The following SEM1 variants were observed in gnomAD, a reference collection of about 807,000 sequenced individuals.
The protein encoded by SEM1 is 26S proteasome complex subunit SEM1.
SEM1 carries 3 observed loss-of-function variants against 12.7 expected under a neutral mutation model. The observed-to-expected ratio is 0.24, with a 90% CI of 0.11 to 0.61. SEM1 has a LOEUF of 0.61. SEM1 is among the 20% of genes least tolerant of loss of function. SEM1 has a pLI of 0.88. For synonymous variants in SEM1, 30 were observed against 27.8 expected (o/e 1.08, Z -0.25); for missense variants, 59 against 81.3 (o/e 0.73, Z 1.06).
At chr7:96,573,903 G>T (rs1342127677) in intron 2 of SEM1, among the ~76,000 whole-genome samples, 3 of 149,726 alleles carry the variant, frequency 2.0e-5, no homozygotes, top group Non-Finnish European at 3.0e-5. Context: ...ATCAAACGTA[G>T]GTTTGGTCTT....
intron 2 of SEM1, among the ~76,000 whole-genome samples, chr7:96,613,356 T>A (rs1807602550): frequency 6.6e-6 from 1 of 152,228 alleles, no homozygotes; most frequent in African/African-American, 2.4e-5. Flanking sequence ...CTTATTACAT[T>A]AAAGAAAACC....
intron 2 of SEM1, among the ~76,000 whole-genome samples, chr7:96,583,742 T>G (rs950808032): frequency 1.6e-4 from 24 of 150,854 alleles, no homozygotes; most frequent in African/African-American, 5.3e-4. Flanking sequence ...TTCTTTGTCT[T>G]TTTTGATCTT....
chr7:96,612,551 C>A (rs1286405025), intron 2 of SEM1, among the ~76,000 whole-genome samples: 1 of 152,172 alleles, frequency 6.6e-6, no homozygotes, highest in Admixed American at 6.5e-5. Context: ...AAACCTTAGA[C>A]CCATCTCCAA....
At chr7:96,688,165 T>C (rs1713424269), downstream of SEM1, 2 of 152,144 alleles carry the variant, frequency 1.3e-5, no homozygotes, top group South Asian at 4.1e-4. Context: ...AAATCTCCCA[T>C]TCACAAAAGT....
intron 2 of SEM1, among the ~76,000 whole-genome samples, chr7:96,541,443 G>GTGTATTTTTTTT (rs1804948711): frequency 9.8e-6 from 1 of 102,394 alleles, no homozygotes; most frequent in African/African-American, 3.8e-5. Flanking sequence ...TTTTTTTTTT[G>GTGTATTTTTTTT]TTTTTTTTTT....
At chr7:96,526,478 A>G (rs1187555950) in intron 2 of SEM1, among the ~76,000 whole-genome samples, 1 of 152,116 alleles carries the variant, frequency 6.6e-6, no homozygotes, top group African/African-American at 2.4e-5. Flanking sequence ...GAAGTGCTCA[A>G]TGAAGACCAC....
chr7:96,675,431 A>T (rs1235968313), intron 2 of SEM1, among the ~76,000 whole-genome samples: 1 of 152,166 alleles, frequency 6.6e-6, no homozygotes, highest in Non-Finnish European at 1.5e-5. Flanking sequence ...TCTAACACTT[A>T]ATGTCCCTAT....
chr7:96,647,151 A>C (rs1808819447), intron 2 of SEM1, among the ~76,000 whole-genome samples: 1 of 152,158 alleles, frequency 6.6e-6, no homozygotes, highest in African/African-American at 2.4e-5. Context: ...AAGTTTACTT[A>C]TGAACTAAAC....
At chr7:96,632,524 AG>A (rs973430647) in intron 2 of SEM1, among the ~76,000 whole-genome samples, 8 of 152,000 alleles carry the variant, frequency 5.3e-5, no homozygotes, top group African/African-American at 1.9e-4. Context: ...GGATACAGGG[AG>A]GGGAACATCA....
At chr7:96,623,024 G>T (rs1443025743) in intron 2 of SEM1, 2 of 174,954 alleles carry the variant, frequency 1.1e-5, no homozygotes, top group Non-Finnish European at 2.4e-5. Context: ...TTTCTGGATA[G>T]AATTAGCATT....
chr7:96,553,083 T>C (rs998266864), intron 2 of SEM1, among the ~76,000 whole-genome samples: 4 of 152,174 alleles, frequency 2.6e-5, no homozygotes, highest in Admixed American at 1.3e-4. Context: ...TCATTGTAGA[T>C]TCTGGATATT....
downstream of SEM1, among the ~76,000 whole-genome samples, chr7:96,671,292 T>G (rs1789310041): frequency 6.6e-6 from 1 of 152,190 alleles, no homozygotes; most frequent in Non-Finnish European, 1.5e-5. Flanking sequence ...TTTTCAGTGA[T>G]AGTTTAGTAG....
chr7:96,517,972 C>T (rs1005977438), intron 2 of SEM1, among the ~76,000 whole-genome samples: 2 of 152,136 alleles, frequency 1.3e-5, no homozygotes, highest in East Asian at 1.9e-4. Flanking sequence ...CACGTAAGAA[C>T]GTTTACTGTA....
At chr7:96,565,426 T>C (rs1281351053) in intron 2 of SEM1, among the ~76,000 whole-genome samples, 2 of 151,862 alleles carry the variant, frequency 1.3e-5, no homozygotes, top group African/African-American at 4.8e-5. Flanking sequence ...GTCAATGCTC[T>C]GTGAGGCACA....
intron 2 of SEM1, among the ~76,000 whole-genome samples, chr7:96,594,493 A>C (rs1806935773): frequency 6.6e-6 from 1 of 152,160 alleles, no homozygotes; most frequent in African/African-American, 2.4e-5. Flanking sequence ...TGGAGCAGGG[A>C]TGCATAGGTA....
intron 1 of SEM1, among the ~76,000 whole-genome samples, chr7:96,486,695 G>A (rs1802784855): frequency 6.6e-6 from 1 of 152,166 alleles, no homozygotes; most frequent in Non-Finnish European, 1.5e-5. Flanking sequence ...TCCAACACAA[G>A]GGGACTTGGT....
chr7:96,525,214 C>G (rs1208051418), intron 2 of SEM1, among the ~76,000 whole-genome samples: 2 of 151,996 alleles, frequency 1.3e-5, no homozygotes, highest in Non-Finnish European at 2.9e-5. Flanking sequence ...AACAATTACC[C>G]CTCCCTTTTC....
At chr7:96,602,639 C>T (rs1807229695) in intron 2 of SEM1, among the ~76,000 whole-genome samples, 1 of 152,150 alleles carries the variant, frequency 6.6e-6, no homozygotes, top group Non-Finnish European at 1.5e-5. Flanking sequence ...AGTTTTTCCC[C>T]TAATTGTATT....
chr7:96,661,854 G>A (rs1277676294), intron 2 of SEM1, among the ~76,000 whole-genome samples: 2 of 151,914 alleles, frequency 1.3e-5, no homozygotes, highest in Non-Finnish European at 1.5e-5. Flanking sequence ...TGGGCGTGGT[G>A]GGGCATGCCT....
Sources: gnomAD v4.1 joint callset for allele counts (sites outside exome capture counted in the v4.1 genomes callset) on GRCh38, gnomAD v4.1.1 for gene constraint, MANE v1.5 for transcripts, NCBI Gene and HGNC (gene_info 2026-07-23, HGNC 2026-07-21) for gene names.